The following GRM7 variants were observed in gnomAD, a reference collection of about 807,000 sequenced individuals.
GRM7 encodes glutamate metabotropic receptor 7.
A neutral mutation model predicts 84.5 loss-of-function variants in GRM7; 35 were observed. The observed-to-expected ratio is 0.41, with a 90% CI of 0.32 to 0.55. The LOEUF is 0.55. GRM7 is among the 20% of genes least tolerant of loss of function. The pLI, the probability that GRM7 is intolerant of heterozygous loss-of-function variation, is 0.19. For missense variants in GRM7, 1,003 were observed against 1,194.6 expected (o/e 0.84, Z 2.36); for synonymous variants, 487 against 455.1 (o/e 1.07, Z -0.89).
intron 1 of GRM7, among the ~76,000 whole-genome samples, chr3:6,951,709 T>C (rs1195373647): frequency 6.6e-6 from 1 of 152,180 alleles, no homozygotes; most frequent in African/African-American, 2.4e-5. Flanking sequence ...CCAAGTCCCC[T>C]TTCAGAAAAA....
At chr3:6,893,836 C>T (rs980800168) in intron 1 of GRM7, 4 of 152,050 alleles carry the variant, frequency 2.6e-5, no homozygotes, top group Non-Finnish European at 5.9e-5. Flanking sequence ...ATTTTTATCC[C>T]CACATCCTGA....
intron 8 of GRM7, among the ~76,000 whole-genome samples, chr3:7,616,329 T>G (rs941171116): frequency 1.3e-5 from 2 of 152,182 alleles, no homozygotes; most frequent in African/African-American, 4.8e-5. Context: ...TAATTTCAAG[T>G]GCATAAATCT....
At chr3:7,298,603 C>A in intron 2 of GRM7, 81 bp from the exon 3 acceptor site, 1 of 1,176,258 alleles carries the variant, frequency 8.5e-7, no homozygotes, top group Non-Finnish European at 1.2e-6. Context: ...GATTCAGAAT[C>A]TCCTCCTCAT....
chr3:6,930,620 A>G (rs1697467451), intron 1 of GRM7, among the ~76,000 whole-genome samples: 1 of 151,760 alleles, frequency 6.6e-6, no homozygotes, highest in South Asian at 2.1e-4. Context: ...TGGTTCACCC[A>G]ATGCAGGTGG....
At chr3:7,089,803 T>C (rs894125821) in intron 1 of GRM7, among the ~76,000 whole-genome samples, 1 of 152,168 alleles carries the variant, frequency 6.6e-6, no homozygotes, top group Non-Finnish European at 1.5e-5. Context: ...TAGCCCTGAC[T>C]AGAGTAATGC....
At chr3:7,381,490 C>T (rs1173788295) in intron 4 of GRM7, among the ~76,000 whole-genome samples, 1 of 152,180 alleles carries the variant, frequency 6.6e-6, no homozygotes, top group East Asian at 1.9e-4. Flanking sequence ...AAGCATTAAA[C>T]ATTTATACTA....
At chr3:7,046,710 C>T (rs1437894322) in intron 1 of GRM7, among the ~76,000 whole-genome samples, 1 of 151,992 alleles carries the variant, frequency 6.6e-6, no homozygotes, top group East Asian at 1.9e-4. Flanking sequence ...AGTGAGATAA[C>T]TGAAAAGAAG....
intron 8 of GRM7, among the ~76,000 whole-genome samples, chr3:7,642,396 G>A (rs75978123): frequency 0.023 from 3,540 of 152,154 alleles, 115 homozygotes; most frequent in East Asian, 0.076. Flanking sequence ...TCTCATAGAC[G>A]AAATATTTCA....
At chr3:7,463,227 T>C (rs3804967) in intron 7 of GRM7, among the ~76,000 whole-genome samples, 52,926 of 152,068 alleles carry the variant, frequency 0.35, 10,714 homozygotes, top group Non-Finnish European at 0.48. Flanking sequence ...CCCTGCACTC[T>C]TGTTAAATTT....
chr3:7,655,639 C>T (rs4574281), intron 8 of GRM7, among the ~76,000 whole-genome samples: 64,845 of 151,938 alleles, frequency 0.43, 15,434 homozygotes, highest in Non-Finnish European at 0.55. Flanking sequence ...AGAGAGGGAT[C>T]TGAGGGTGAG....
rs143309098 is a variant in GRM7 at position 7,682,737 on chromosome 3, G to A, written c.2698+2442G>A. On this transcript the variant is annotated intron_variant, in intron 9 of 9. Coordinates refer to ENST00000357716, the MANE Select transcript of GRM7 (RefSeq NM_000844.4). Reference sequence around the variant, plus strand: ...AACATTACTACTGTTGCTATTTAATGATGAGGTGCAATCCTTGTTGAGGCT... The same window carrying A: ...AACATTACTACTGTTGCTATTTAATAATGAGGTGCAATCCTTGTTGAGGCT... Among the ~76,000 whole-genome samples the A allele has an allele frequency of 5.9e-5, 9 of 152,288 alleles. No individual in the cohort carries two copies. In the East Asian group the frequency reaches 1.7e-3, roughly 29 times the overall value.
intron 1 of GRM7, among the ~76,000 whole-genome samples, chr3:7,020,203 T>C (rs1154367): frequency 0.49 from 75,203 of 152,050 alleles, 18,907 homozygotes; most frequent in Middle Eastern, 0.54. Context: ...TAGGATAATA[T>C]GTTAAAAGGT....
chr3:7,611,015 C>T (rs1696823951), intron 8 of GRM7, among the ~76,000 whole-genome samples: 2 of 152,156 alleles, frequency 1.3e-5, no homozygotes, highest in Non-Finnish European at 2.9e-5. Context: ...ATTTAGGTAG[C>T]ATTTATAGGC....
intron 2 of GRM7, 109 bp downstream of exon 2, chr3:7,146,777 G>C: frequency 1.4e-6 from 1 of 719,646 alleles, no homozygotes. Context: ...CATTCCCAGA[G>C]TCCTGTGAAG....
rs150257423 is a variant in GRM7 at position 7,479,734 on chromosome 3, C to A, written c.1515+18012C>A. Among the ~76,000 whole-genome samples, 433 of 152,200 alleles carry A rather than the reference C, an allele frequency of 2.8e-3. 2 individuals carry two copies. Among genetic ancestry groups the A allele is most frequent in the African/African-American group, 9.7e-3 (404 of 41,542 alleles). ...TTACAGATGAGAAACCAGAGGTCCC[C>A]AACTATGCTATTGGTCAAGGTTTAT... On this transcript the variant is annotated intron_variant, in intron 7 of 9. Coordinates refer to ENST00000357716, the MANE Select transcript of GRM7 (RefSeq NM_000844.4).
chr3:7,667,074 GGGCAACACAGC>G (rs1175295787), intron 8 of GRM7, among the ~76,000 whole-genome samples: 1 of 151,938 alleles, frequency 6.6e-6, no homozygotes, highest in Non-Finnish European at 1.5e-5. Context: ...GAAGTCATCT[GGGCAACACAGC>G]AAGACTCTGT....
rs1699314377 is a variant in GRM7, at chr3:7,486,146, G to T, written c.1515+24424G>T. On this transcript the variant is annotated intron_variant, in intron 7 of 9. Coordinates refer to ENST00000357716, the MANE Select transcript of GRM7 (RefSeq NM_000844.4). The surrounding 1 kb of genome is among the most constrained non-coding windows in gnomAD (Gnocchi z 5.5). ...GCTTCTTGAACTGACTCTGATCTTA[G>T]AATATATTTCATTTTGCTCTAAAAG... Among the ~76,000 whole-genome samples, 1 of 152,108 alleles carries T rather than the reference G, an allele frequency of 6.6e-6. No individual in the cohort carries two copies. The highest frequency in any genetic ancestry group is 1.5e-5 in the Non-Finnish European group (1 of 68,018).
At chr3:7,152,212 G>A (rs1694308369) in intron 2 of GRM7, among the ~76,000 whole-genome samples, 3 of 152,136 alleles carry the variant, frequency 2.0e-5, no homozygotes, top group South Asian at 4.2e-4. Context: ...TCATTTGTTA[G>A]CACCTCTTGA....
At chr3:6,916,321 C>T (rs1343591002) in intron 1 of GRM7, among the ~76,000 whole-genome samples, 1 of 152,036 alleles carries the variant, frequency 6.6e-6, no homozygotes, top group Non-Finnish European at 1.5e-5. Flanking sequence ...ATATGTGATG[C>T]CATAAAAGCA....
Sources: allele counts gnomAD v4.1 joint callset (sites outside exome capture counted in the v4.1 genomes callset), GRCh38; gene constraint gnomAD v4.1.1; non-coding constraint Gnocchi (gnomAD v3.1); transcripts MANE v1.5; gene names NCBI Gene and HGNC (gene_info 2026-07-23, HGNC 2026-07-21).